KCNN3: variants seen among roughly 807,000 people sequenced by gnomAD.
KCNN3 encodes potassium calcium-activated channel subfamily N member 3.
KCNN3 carries 16 observed loss-of-function variants against 62.9 expected under a neutral mutation model. That is an observed-to-expected ratio of 0.25 (90% CI 0.17 to 0.39). The LOEUF is 0.39. Ranked by LOEUF, KCNN3 falls within the 10% of genes least tolerant of loss-of-function variation. KCNN3 has a pLI of 1.00. For synonymous variants in KCNN3, 370 were observed against 389.2 expected, an observed-to-expected ratio of 0.95 and a Z score of 0.58; for missense variants, 599 against 949.4, an observed-to-expected ratio of 0.63 and a Z score of 4.85.
chr1:154,798,163 C>T (rs868830804), intron 2 of KCNN3, among the ~76,000 whole-genome samples: 1 of 152,200 alleles, frequency 6.6e-6, no homozygotes, highest in Non-Finnish European at 1.5e-5. Flanking sequence ...TCTCCACTCC[C>T]CCAACCCTTA....
At chr1:154,844,532 C>T (rs1218568) in intron 1 of KCNN3, among the ~76,000 whole-genome samples, 74,918 of 152,100 alleles carry the variant, frequency 0.49, 20,038 homozygotes, top group East Asian at 0.91. Flanking sequence ...GTGGGGCAGA[C>T]GTTATTATTG....
chr1:154,737,215 G>T lies in KCNN3; in HGVS notation c.1449-4071C>A, dbSNP rs751979254. ...TTTGCAATAGAAAATTTGGGGGGGG[G>T]GGATAGCTCCATGTTTTTCTTTAAA... On this transcript the variant is annotated intron_variant, in intron 3 of 7. Coordinates refer to ENST00000271915, the MANE Select transcript of KCNN3 (RefSeq NM_002249.6). 5.8e-4 allele frequency: 149 copies of T among 256,788 alleles called. 23 individuals are homozygous for T. Among genetic ancestry groups the T allele is most frequent in the Non-Finnish European group, 8.3e-4 (104 of 125,070 alleles). 15.9% of individuals were successfully genotyped at this position (256,788 alleles called of 1,614,324 possible). A position where few individuals can be genotyped will look rare whatever the true frequency, so the allele number is the denominator to read the frequency against.
intron 2 of KCNN3, among the ~76,000 whole-genome samples, chr1:154,790,798 A>T (rs764252592): frequency 8.5e-5 from 13 of 152,244 alleles, no homozygotes; most frequent in Admixed American, 2.0e-4. Flanking sequence ...AGTTTTAGAC[A>T]TCCACCAGGG....
chr1:154,731,744 G>T (rs950501266), intron 4 of KCNN3, among the ~76,000 whole-genome samples: 3 of 152,084 alleles, frequency 2.0e-5, no homozygotes, highest in Non-Finnish European at 4.4e-5. Context: ...GGCTGTGGAC[G>T]GGGGGCTGTC....
intron 2 of KCNN3, among the ~76,000 whole-genome samples, chr1:154,779,589 A>G (rs114543046): frequency 0.014 from 2,134 of 152,340 alleles, 47 homozygotes; most frequent in African/African-American, 0.05. Context: ...TGTTTTGCAT[A>G]CAAAGTGTTT....
At chr1:154,752,176 T>C (rs1309099675) in intron 3 of KCNN3, among the ~76,000 whole-genome samples, 1 of 152,196 alleles carries the variant, frequency 6.6e-6, no homozygotes. Context: ...ACGATGATGA[T>C]TCCTTAGGTG....
chr1:154,714,612 GGTGTGT>G (rs200006853), intron 6 of KCNN3, among the ~76,000 whole-genome samples: 6 of 24,822 alleles, frequency 2.4e-4, no homozygotes, highest in African/African-American at 6.5e-4. Context: ...TGTGGTGTGT[GGTGTGT>G]GTGTGTGTGT....
chr1:154,755,783 A>G (rs1270311890), intron 3 of KCNN3, among the ~76,000 whole-genome samples: 2 of 94,976 alleles, frequency 2.1e-5, no homozygotes, highest in South Asian at 3.6e-4. Context: ...GAGGAGAGAG[A>G]GAGGGGAGGA....
In KCNN3 at chr1:154,858,419, C is replaced by T. The variant is rs1215250256; in HGVS notation, c.933+10613G>A. 2.0e-5 allele frequency among the ~76,000 whole-genome samples: 3 copies of T among 152,314 alleles called. No individual in the cohort carries two copies. The Middle Eastern group carries it at 0.01, about 518-fold the overall frequency. ...AATACCACCTCCCAAATAAAGGGGC[C>T]GCTGCGCAAGGCCACACAGCCAAAT... On this transcript the variant is annotated intron_variant, in intron 1 of 7. Coordinates refer to ENST00000271915, the MANE Select transcript of KCNN3 (RefSeq NM_002249.6).
At chr1:154,742,191 T>C (rs1700835107) in intron 3 of KCNN3, among the ~76,000 whole-genome samples, 1 of 152,252 alleles carries the variant, frequency 6.6e-6, no homozygotes, top group Admixed American at 6.5e-5. Flanking sequence ...TCCTCCCTGA[T>C]GCCTTCTAAC....
intron 2 of KCNN3, among the ~76,000 whole-genome samples, chr1:154,815,151 G>T (rs1045015104): frequency 2.0e-5 from 3 of 152,104 alleles, no homozygotes; most frequent in African/African-American, 7.2e-5. Flanking sequence ...CTGTCTGGGG[G>T]TCTCAAGATC....
At chr1:154,774,892 C>G (rs750705679) in intron 2 of KCNN3, among the ~76,000 whole-genome samples, 1 of 152,220 alleles carries the variant, frequency 6.6e-6, no homozygotes, top group Admixed American at 6.5e-5. Flanking sequence ...GCTGCAAGGC[C>G]GGAAGAAACT....
At chr1:154,719,497 T>G (rs1167745150) in intron 5 of KCNN3, among the ~76,000 whole-genome samples, 1 of 152,066 alleles carries the variant, frequency 6.6e-6, no homozygotes, top group Non-Finnish European at 1.5e-5. Context: ...GGGAGAGGAA[T>G]TTTTCAGCTC....
At chr1:154,865,698 G>C (rs1652924141) in intron 1 of KCNN3, among the ~76,000 whole-genome samples, 1 of 152,118 alleles carries the variant, frequency 6.6e-6, no homozygotes, top group Admixed American at 6.5e-5. Flanking sequence ...ACCCAGGCCT[G>C]CATGACAAGT....
At chr1:154,711,378 G>C (rs1446781844) in intron 7 of KCNN3, among the ~76,000 whole-genome samples, 1 of 148,680 alleles carries the variant, frequency 6.7e-6, no homozygotes, top group Non-Finnish European at 1.5e-5. Flanking sequence ...AGCATTAGGA[G>C]ATATACCTAA....
Position 154,707,952 on chromosome 1 carries a change from T to C in KCNN3, c.*24A>G, listed in dbSNP as rs373448469. The C allele has an allele frequency of 1.5e-5, 24 of 1,610,366 alleles. No homozygotes were observed. Among genetic ancestry groups the C allele is most frequent in the African/African-American group, 2.7e-5 (2 of 74,870 alleles). ...TTTGCATCTTAAGACCTATGGGTAA[T>C]GCTTCTGGAGTGGGGAGATTTATTT... On this transcript the variant is annotated 3_prime_UTR_variant, in exon 8 of 8. Coordinates refer to ENST00000271915, the MANE Select transcript of KCNN3 (RefSeq NM_002249.6).
chr1:154,837,309 C>CT (rs548582201), intron 1 of KCNN3, among the ~76,000 whole-genome samples: 7 of 151,870 alleles, frequency 4.6e-5, no homozygotes, highest in Middle Eastern at 3.4e-3. Flanking sequence ...TTGTGTTTTT[C>CT]TTTTTTTTGC....
At chr1:154,848,257 T>G (rs982022764) in intron 1 of KCNN3, among the ~76,000 whole-genome samples, 2 of 152,144 alleles carry the variant, frequency 1.3e-5, no homozygotes, top group Non-Finnish European at 2.9e-5. Flanking sequence ...CGACAGTCAC[T>G]TCGAGCCTCA....
intron 1 of KCNN3, among the ~76,000 whole-genome samples, chr1:154,861,588 A>G (rs1313510085): frequency 6.6e-6 from 1 of 151,958 alleles, no homozygotes; most frequent in Non-Finnish European, 1.5e-5. Flanking sequence ...CCCTCCCATC[A>G]TGGCTTGTCT....
Sources: gnomAD v4.1 joint callset for allele counts (sites outside exome capture counted in the v4.1 genomes callset) on GRCh38, gnomAD v4.1.1 for gene constraint, MANE v1.5 for transcripts, NCBI Gene and HGNC (gene_info 2026-07-23, HGNC 2026-07-21) for gene names.